Variants in CNTNAP2 observed in about 807,000 individuals in gnomAD.
CNTNAP2 encodes the protein contactin-associated protein-like 2.
A neutral mutation model predicts 155.2 loss-of-function variants in CNTNAP2; 98 were observed. The observed-to-expected ratio is 0.63, with a 90% CI of 0.54 to 0.75. The LOEUF (loss-of-function observed/expected upper bound fraction) is 0.75. Among genes scored for constraint, CNTNAP2 ranks in the 30% least tolerant of loss-of-function variants. The pLI is 0.00. For missense variants in CNTNAP2, 1,727 were observed against 1,688.1 expected (o/e 1.02, Z -0.40); for synonymous variants, 651 against 631.2 (o/e 1.03, Z -0.47).
chr7:146,762,338 C>T (rs539717465), intron 1 of CNTNAP2, among the ~76,000 whole-genome samples: 2 of 152,248 alleles, frequency 1.3e-5, no homozygotes, highest in South Asian at 4.1e-4. Context: ...TGGTGGCTCA[C>T]ACCTGTAATC....
intron 8 of CNTNAP2, among the ~76,000 whole-genome samples, chr7:147,211,665 A>G (rs1803149054): frequency 1.3e-5 from 2 of 152,058 alleles, no homozygotes; most frequent in Non-Finnish European, 2.9e-5. Context: ...AAGATAGATT[A>G]AAGGTTTAAA....
At chr7:148,012,050 G>A (rs1172126800) in intron 15 of CNTNAP2, among the ~76,000 whole-genome samples, 1 of 152,154 alleles carries the variant, frequency 6.6e-6, no homozygotes, top group Non-Finnish European at 1.5e-5. Context: ...TCACCACTCT[G>A]ATGTTCTTCC....
intron 1 of CNTNAP2, among the ~76,000 whole-genome samples, chr7:146,257,013 T>C (rs1360248743): frequency 6.6e-6 from 1 of 152,172 alleles, no homozygotes; most frequent in Non-Finnish European, 1.5e-5. Flanking sequence ...ATACATTTGG[T>C]TTGTTTGTTT....
chr7:147,930,524 C>A lies in CNTNAP2; in HGVS notation c.2255+26803C>A, dbSNP rs571705556. Among the ~76,000 whole-genome samples the A allele has an allele frequency of 3.9e-5, 6 of 152,280 alleles. No homozygotes were observed. In the South Asian group the frequency reaches 1.2e-3, roughly 32 times the overall value. On this transcript the variant is annotated intron_variant, in intron 14 of 23. Coordinates refer to ENST00000361727, the MANE Select transcript of CNTNAP2 (RefSeq NM_014141.6). ...AATATCAGCAGAAGGAAGGCTAATT[C>A]ACCAAGATGTAACAATTTTATATGC...
At chr7:146,720,226 C>A (rs529265246) in intron 1 of CNTNAP2, among the ~76,000 whole-genome samples, 20 of 152,080 alleles carry the variant, frequency 1.3e-4, no homozygotes, top group African/African-American at 4.8e-4. Flanking sequence ...TTTAGTAGTT[C>A]TTATCCCTAT....
At position 146,406,396 on chromosome 7, in the gene CNTNAP2, C is replaced by A. The variant is rs180737794; in HGVS notation, c.97+289423C>A. Among the ~76,000 whole-genome samples the A allele has an allele frequency of 1.7e-3, 254 of 152,324 alleles. 1 individual carries two copies. The highest frequency in any genetic ancestry group is 5.8e-3 in the African/African-American group (243 of 41,572). ...ATGATTTTAAAAGGCATGTGAACTGCTTCTCTTCAGACATGGTTGAGGATT... is the reference window on the plus strand; with the variant it reads ...ATGATTTTAAAAGGCATGTGAACTGATTCTCTTCAGACATGGTTGAGGATT... On this transcript the variant is annotated intron_variant, in intron 1 of 23. Transcript: ENST00000361727.
chr7:148,056,974 A>G (rs530414608), intron 15 of CNTNAP2, among the ~76,000 whole-genome samples: 2 of 152,304 alleles, frequency 1.3e-5, no homozygotes, highest in East Asian at 3.9e-4. Flanking sequence ...GACTTTATAG[A>G]CAAACAGACC....
chr7:148,213,903 G>A (rs961748029), intron 18 of CNTNAP2, among the ~76,000 whole-genome samples: 2 of 152,016 alleles, frequency 1.3e-5, no homozygotes, highest in Non-Finnish European at 2.9e-5. Context: ...GGAGCCTCGG[G>A]GGTCTCAAGT....
chr7:146,785,273 CTA>C (rs1388288673), intron 2 of CNTNAP2, among the ~76,000 whole-genome samples: 1 of 152,106 alleles, frequency 6.6e-6, no homozygotes, highest in African/African-American at 2.4e-5. Context: ...AGAGCGCAGC[CTA>C]TATGCTAACT....
intron 1 of CNTNAP2, among the ~76,000 whole-genome samples, chr7:146,733,378 C>G (rs560879746): frequency 4.0e-5 from 6 of 151,804 alleles, no homozygotes; most frequent in Non-Finnish European, 7.4e-5. Flanking sequence ...TCATTTTATT[C>G]GTTTGCTTAT....
chr7:146,682,002 G>A (rs1463720466), intron 1 of CNTNAP2, among the ~76,000 whole-genome samples: 5 of 74,624 alleles, frequency 6.7e-5, no homozygotes, highest in East Asian at 6.3e-4. Context: ...CAGGTCAGAC[G>A]CACAGAAACA....
chr7:147,761,713 G>A (rs1374903046), intron 13 of CNTNAP2, among the ~76,000 whole-genome samples: 1 of 152,162 alleles, frequency 6.6e-6, no homozygotes, highest in Non-Finnish European at 1.5e-5. Context: ...TAAGATTGGA[G>A]AGGATGGTAA....
chr7:146,227,476 T>C (rs1799315255), intron 1 of CNTNAP2, among the ~76,000 whole-genome samples: 1 of 146,896 alleles, frequency 6.8e-6, no homozygotes, highest in African/African-American at 2.5e-5. Flanking sequence ...TTTAAGGAGA[T>C]ATGCATAAAT....
intron 1 of CNTNAP2, among the ~76,000 whole-genome samples, chr7:146,269,202 C>T (rs547203809): frequency 1.1e-4 from 17 of 152,060 alleles, no homozygotes; most frequent in African/African-American, 3.6e-4. Flanking sequence ...TGGCCAGGCA[C>T]GGTGGCACGC....
intron 1 of CNTNAP2, among the ~76,000 whole-genome samples, chr7:146,376,648 C>T (rs1795307974): frequency 6.6e-6 from 1 of 152,040 alleles, no homozygotes; most frequent in Non-Finnish European, 1.5e-5. Context: ...GTATATTTCT[C>T]ATGCCCCATG....
intron 3 of CNTNAP2, among the ~76,000 whole-genome samples, chr7:147,015,717 A>C (rs1237632798): frequency 6.6e-6 from 1 of 152,070 alleles, no homozygotes; most frequent in Non-Finnish European, 1.5e-5. Flanking sequence ...TGAATTTAAG[A>C]AGGGTAAAAA....
chr7:147,297,891 G>A lies in CNTNAP2; in HGVS notation c.1349-2250G>A, dbSNP rs559531803. On this transcript the variant is annotated intron_variant, in intron 8 of 23. Coordinates refer to ENST00000361727, the MANE Select transcript of CNTNAP2 (RefSeq NM_014141.6). ...GTGCTGCAACAAACATAGGAGTGCA[G>A]ATATCTCTTCCGTGTACGTATTTTC... 5.9e-5 allele frequency among the ~76,000 whole-genome samples: 9 copies of A among 152,296 alleles called. No individual in the cohort carries two copies. The South Asian group carries it at 1.9e-3, about 32-fold the overall frequency.
chr7:147,415,557 C>T (rs2116497317), intron 10 of CNTNAP2, among the ~76,000 whole-genome samples: 1 of 152,292 alleles, frequency 6.6e-6, no homozygotes, highest in East Asian at 1.9e-4. Context: ...TCCCCTTCAC[C>T]TTCGGCCATG....
chr7:146,958,560 C>T (rs1222971977), intron 3 of CNTNAP2, among the ~76,000 whole-genome samples: 2 of 151,356 alleles, frequency 1.3e-5, no homozygotes, highest in Non-Finnish European at 3.0e-5. Flanking sequence ...ACTACAGGCA[C>T]CCGCCACAAC....
Sources: gnomAD v4.1 joint callset for allele counts (sites outside exome capture counted in the v4.1 genomes callset) on GRCh38, gnomAD v4.1.1 for gene constraint, MANE v1.5 for transcripts, NCBI Gene and HGNC (gene_info 2026-07-23, HGNC 2026-07-21) for gene names.